The following ARL5C variants were observed in gnomAD, a reference collection of about 807,000 sequenced individuals.
The protein encoded by ARL5C is putative ADP-ribosylation factor-like protein 5C.
ARL5C carries 21 observed loss-of-function variants against 20.8 expected under a neutral mutation model. The observed-to-expected ratio is 1.01, with a 90% confidence interval of 0.72 to 1.46. ARL5C has a LOEUF of 1.46. ARL5C is among the 40% of genes most tolerant of loss of function. ARL5C has a pLI of 0.00. For missense variants in ARL5C, 199 were observed against 225.1 expected, an observed-to-expected ratio of 0.88 and a Z score of 0.74; for synonymous variants, 71 against 81.6, an observed-to-expected ratio of 0.87 and a Z score of 0.70.
chr17:39,161,348 T>C lies in ARL5C; in HGVS notation c.259A>G (p.Ile87Val). 1.3e-6 allele frequency: 2 copies of C among 1,551,884 alleles called. No homozygotes were observed. Among genetic ancestry groups the C allele is most frequent in the Non-Finnish European group, 8.7e-7 (1 of 1,147,016 alleles). The change falls in exon 4 of 6, where the codon ATC (isoleucine) becomes GTC (valine). Residue 87 changes from isoleucine to valine, a missense_variant. Ile to Val is a conservative substitution (Grantham distance 29, BLOSUM62 3). Transcript: ENST00000269586. ...TCCGTGCTGTCAATCACAAGGATGA[T>C]AAACTGGGCAGCAGAGGGGAGCCGT... ...WNTYYSNTEF[I>V]ILVIDSTDRD... is the part of the protein sequence containing the mutation.
At position 39,158,229 on chromosome 17, in the gene ARL5C, G is replaced by T. The variant is rs938637928; in HGVS notation, c.492-1287C>A. On this transcript the variant is annotated intron_variant, in intron 5 of 5. Coordinates refer to ENST00000269586, the MANE Select transcript of ARL5C (RefSeq NM_001143968.1). ...ATTGAACTGACTGTGGGTTGTGGAA[G>T]AGGGTTCTCCTGACCCAGCGGGTGG... Among the ~76,000 whole-genome samples the T allele has an allele frequency of 3.9e-5, 6 of 152,312 alleles. No homozygotes were observed. In the South Asian group the frequency reaches 1.2e-3, roughly 32 times the overall value.
At position 39,162,587 on chromosome 17, in the gene ARL5C, C is replaced by T. The variant is rs369865241; in HGVS notation, c.255+124G>A. ...AAGTGCTGGGATTACAGGTGTGAGC[C>T]ACAGGAACCGACCATTATAATCTCT... On this transcript the variant is annotated intron_variant, in intron 3 of 5. Coordinates refer to ENST00000269586, the MANE Select transcript of ARL5C (RefSeq NM_001143968.1). The T allele has an allele frequency of 9.9e-5, 125 of 1,258,464 alleles. No homozygotes were observed. In the African/African-American group the frequency reaches 1.8e-3, roughly 18 times the overall value. The allele number at this position is 1,258,464 out of a possible 1,614,324, so 78.0% of individuals were successfully genotyped here.
chr17:39,158,127 G>GGGAA (rs2045416002), intron 5 of ARL5C, among the ~76,000 whole-genome samples: 1 of 116,442 alleles, frequency 8.6e-6, no homozygotes, highest in Non-Finnish European at 1.8e-5. Context: ...GAGGGAGGGA[G>GGGAA]GGAGGAAGGA....
chr17:39,164,367 T>C (rs1038185758), intron 2 of ARL5C: 5 of 152,182 alleles, frequency 3.3e-5, no homozygotes, highest in South Asian at 4.1e-4. Flanking sequence ...TAAAGTGACA[T>C]AGAAAATATA....
chr17:39,160,736 G>A lies in ARL5C; in HGVS notation c.346C>T (p.Gln116Ter). 21 of 1,551,338 alleles carry A rather than the reference G, an allele frequency of 1.4e-5. No homozygotes were observed. Among genetic ancestry groups the A allele is most frequent in the East Asian group, 2.4e-5 (1 of 41,046 alleles). The change falls in exon 5 of 6, where the codon CAG (glutamine) becomes TAG (stop). Residue 116 changes from glutamine (Q) to a stop codon, truncating the protein, a stop_gained. Transcript: ENST00000269586. LOFTEE classifies it high-confidence loss of function. ...LYKMLAHEAL[Q>*]DASVLIFANK... ...GCAAATATCAGGACTGAAGCATCCTGTAGAGCCTGTGGACAGAGGAGCCCA... is the reference window on the plus strand; with the variant it reads ...GCAAATATCAGGACTGAAGCATCCTATAGAGCCTGTGGACAGAGGAGCCCA...
At chr17:39,157,923 C>G (rs1377287556) in intron 5 of ARL5C, among the ~76,000 whole-genome samples, 7 of 150,026 alleles carry the variant, frequency 4.7e-5, no homozygotes, top group Non-Finnish European at 8.9e-5. Flanking sequence ...GAAACACCGT[C>G]TCTACTAAAA....
Position 39,166,024 on chromosome 17 carries a change from T to C in ARL5C, c.-264A>G. On this transcript the variant is annotated 5_prime_UTR_variant, in exon 1 of 6. Transcript: ENST00000269586. ...ATATGGGGGTTCCAGGCTCCAGCCC[T>C]CCCCCTCGCCCTGCGAAAACTCCTG... 7 of 494,316 alleles carry C rather than the reference T, an allele frequency of 1.4e-5. No individual in the cohort carries two copies. The highest frequency in any genetic ancestry group is 3.5e-5 in the East Asian group (1 of 28,190). The allele number at this position is 494,316 out of a possible 1,614,324, so 30.6% of individuals were successfully genotyped here. A position where few individuals can be genotyped will look rare whatever the true frequency, so the allele number is the denominator to read the frequency against.
At chr17:39,158,033 G>A (rs529910372) in intron 5 of ARL5C, among the ~76,000 whole-genome samples, 27 of 150,684 alleles carry the variant, frequency 1.8e-4, no homozygotes, top group Admixed American at 1.3e-3. Flanking sequence ...GGGAGGCAGA[G>A]CTTGCAGTGA....
rs748143509 is a variant in ARL5C at position 39,162,693 on chromosome 17, C to T, written c.255+18G>A. ...CACGCCTGCCTTGGAGACCCTTCAGCCCTGGTGCCCTCCTCACCTCAGTGT... is the reference window on the plus strand; with the variant it reads ...CACGCCTGCCTTGGAGACCCTTCAGTCCTGGTGCCCTCCTCACCTCAGTGT... On this transcript the variant is annotated intron_variant, in intron 3 of 5. Coordinates refer to ENST00000269586, the MANE Select transcript of ARL5C (RefSeq NM_001143968.1). 7.1e-6 allele frequency: 11 copies of T among 1,550,222 alleles called. No homozygotes were observed. The South Asian group carries it at 1.2e-4, about 17-fold the overall frequency.
chr17:39,162,834 C>A lies in ARL5C; in HGVS notation c.132G>T (p.Met44Ile). Residue 44 changes from methionine to isoleucine, a missense_variant, in exon 3 of 6, where the codon ATG becomes ATT. Physicochemically the swap from Met to Ile is conservative, Grantham distance 10. Coordinates refer to ENST00000269586, the MANE Select transcript of ARL5C (RefSeq NM_001143968.1). ...YRFLTNEVVH[M>I]CPTIGSNVEE... is the part of the protein sequence containing the mutation. ...CCACGTTGCTGCCAATGGTGGGACACATATGGACCACCTCATTGGTCAAGC... is the reference window on the plus strand; with the variant it reads ...CCACGTTGCTGCCAATGGTGGGACAAATATGGACCACCTCATTGGTCAAGC... The A allele has an allele frequency of 6.4e-7, 1 of 1,551,038 alleles. No homozygotes were observed. Among genetic ancestry groups the A allele is most frequent in the Non-Finnish European group, 8.7e-7 (1 of 1,146,982 alleles).
chr17:39,163,894 A>G (rs925501134), intron 2 of ARL5C, among the ~76,000 whole-genome samples: 1 of 151,370 alleles, frequency 6.6e-6, no homozygotes, highest in Non-Finnish European at 1.5e-5. Context: ...CCTCCAGAGT[A>G]GGTGGGATTA....
intron 2 of ARL5C, among the ~76,000 whole-genome samples, chr17:39,163,396 C>CTTTCTT (rs1567781477): frequency 1.0e-3 from 33 of 32,350 alleles, no homozygotes; most frequent in Middle Eastern, 0.019. Context: ...CTTTCTTTCT[C>CTTTCTT]TCTTTCTTTC....
chr17:39,163,089 G>A (rs531228319), intron 2 of ARL5C, among the ~76,000 whole-genome samples: 1 of 152,290 alleles, frequency 6.6e-6, no homozygotes, highest in Non-Finnish European at 1.5e-5. Flanking sequence ...TCTTAGAGGA[G>A]GCTCCTCAAA....
In ARL5C at chr17:39,165,378, C is replaced by G. The variant is rs2045457768; in HGVS notation, c.47-239G>C. On this transcript the variant is annotated intron_variant, in intron 1 of 5. Transcript: ENST00000269586. Reference sequence around the variant, plus strand: ...AGAAAAGTGTCTGAAAGGCCCGGGGCGCTTCGGGGCTTGCCAAGAGACGGT... The same window carrying G: ...AGAAAAGTGTCTGAAAGGCCCGGGGGGCTTCGGGGCTTGCCAAGAGACGGT... 1.4e-5 allele frequency: 8 copies of G among 591,608 alleles called. 1 individual carries two copies. The South Asian group carries it at 1.6e-4, about 12-fold the overall frequency. 36.6% of individuals were successfully genotyped at this position (591,608 alleles called of 1,614,324 possible). A position where few individuals can be genotyped will look rare whatever the true frequency, so the allele number is the denominator to read the frequency against.
Position 39,162,793 on chromosome 17 carries a change from G to A in ARL5C, c.173C>T (p.Pro58Leu), listed in dbSNP as rs61749062. The change falls in exon 3 of 6, where the codon CCG becomes CTG. Residue 58 changes from proline (P) to leucine (L), a missense_variant. Physicochemically the swap from Pro to Leu is moderately conservative, Grantham distance 98. Coordinates refer to ENST00000269586, the MANE Select transcript of ARL5C (RefSeq NM_001143968.1). ...GTCCCACATGAAGAAGTGGGTCTTC[G>A]GCAGAATGATCTCCTCCACGTTGCT... is the stretch of plus-strand genomic sequence containing the variant. ...IGSNVEEIILPKTHFFMWDIV... is the reference protein window; with the variant it reads ...IGSNVEEIILLKTHFFMWDIV... The A allele has an allele frequency of 5.5e-3, 8,482 of 1,551,464 alleles. 226 individuals are homozygous for A. In the African/African-American group the frequency reaches 0.079, roughly 14 times the overall value.
intron 3 of ARL5C, among the ~76,000 whole-genome samples, chr17:39,161,949 G>GT (rs2045437431): frequency 6.6e-6 from 1 of 152,150 alleles, no homozygotes; most frequent in South Asian, 2.1e-4. Context: ...GGTACTGTTA[G>GT]TATCCCCATT....
downstream of ARL5C, chr17:39,156,795 AC>A: frequency 2.9e-6 from 4 of 1,398,092 alleles, no homozygotes; most frequent in Non-Finnish European, 3.9e-6. Flanking sequence ...CACTGCTCCC[AC>A]TAGAGAACCA....
chr17:39,159,022 G>GTT (rs869126572), intron 5 of ARL5C, among the ~76,000 whole-genome samples: 9,093 of 52,390 alleles, frequency 0.17, 3,642 homozygotes, highest in Non-Finnish European at 0.23. Flanking sequence ...TTTATCACTT[G>GTT]TTTTTTTTTT....
intron 1 of ARL5C, 94 bp from the exon 2 acceptor site, chr17:39,165,233 TC>T: frequency 1.5e-6 from 2 of 1,295,326 alleles, no homozygotes; most frequent in Non-Finnish European, 1.1e-6. Context: ...GAGATAGCGC[TC>T]CCCGCAGGCT....
Sources: allele counts gnomAD v4.1 joint callset (sites outside exome capture counted in the v4.1 genomes callset), GRCh38; gene constraint gnomAD v4.1.1; transcripts MANE v1.5; gene names NCBI Gene and HGNC (gene_info 2026-07-23, HGNC 2026-07-21).